Variants in CCSER1 observed in about 807,000 individuals in gnomAD.
The protein encoded by CCSER1 is coiled-coil serine rich protein 1.
In CCSER1, 41 loss-of-function variants were observed where a neutral mutation model predicts 82.0. The observed-to-expected ratio is 0.50, with a 90% CI of 0.39 to 0.65. The LOEUF (loss-of-function observed/expected upper bound fraction) is 0.65. Among genes scored for constraint, CCSER1 ranks in the 30% least tolerant of loss-of-function variants. The probability of loss-of-function intolerance (pLI) is 0.00; values close to 1 mark genes in which losing one functional copy is unlikely to be tolerated. For missense variants in CCSER1, 1,119 were observed against 1,064.2 expected (o/e 1.05, Z -0.72); for synonymous variants, 414 against 383.9 (o/e 1.08, Z -0.92).
Position 91,584,260 on chromosome 4 carries a change from T to C in CCSER1, c.2218-14312T>C, listed in dbSNP as rs138049432. Among the ~76,000 whole-genome samples, 25 of 151,486 alleles carry C rather than the reference T, an allele frequency of 1.7e-4. No homozygotes were observed. In the East Asian group the frequency reaches 4.5e-3, roughly 27 times the overall value. On this transcript the variant is annotated intron_variant, in intron 10 of 10. Coordinates refer to ENST00000509176, the MANE Select transcript of CCSER1 (RefSeq NM_001145065.2). ...CCATGCCCAGTCAGTAGATTCTCAG[T>C]TTTCAGAGAAAAAATAAATTTCAAG...
intron 2 of CCSER1, among the ~76,000 whole-genome samples, chr4:90,310,291 C>G (rs984599189): frequency 5.3e-4 from 80 of 151,964 alleles, no homozygotes; most frequent in African/African-American, 1.8e-3. Flanking sequence ...TGTAATATGG[C>G]TACAGAAAAC....
intron 9 of CCSER1, among the ~76,000 whole-genome samples, chr4:90,950,232 C>T (rs1732745254): frequency 6.6e-6 from 1 of 151,916 alleles, no homozygotes; most frequent in African/African-American, 2.4e-5. Context: ...ATTTTCATGG[C>T]TATATGTTAT....
chr4:90,801,498 A>G (rs1580535888), intron 7 of CCSER1, among the ~76,000 whole-genome samples: 1 of 152,314 alleles, frequency 6.6e-6, no homozygotes, highest in East Asian at 1.9e-4. Flanking sequence ...TTCATTGTCA[A>G]AAAGATTATG....
chr4:90,748,200 C>T (rs180964264), intron 7 of CCSER1, among the ~76,000 whole-genome samples: 5,406 of 105,236 alleles, frequency 0.051, 231 homozygotes, highest in Admixed American at 0.12. Context: ...CCCCACCCCA[C>T]AATAGTCCCC....
At chr4:90,255,905 A>G (rs781217611) in intron 1 of CCSER1, among the ~76,000 whole-genome samples, 1 of 152,134 alleles carries the variant, frequency 6.6e-6, no homozygotes, top group Non-Finnish European at 1.5e-5. Flanking sequence ...CACTTTATAG[A>G]TGAGGATACT....
chr4:90,450,376 T>C (rs1397382805), intron 4 of CCSER1, among the ~76,000 whole-genome samples: 4 of 152,150 alleles, frequency 2.6e-5, no homozygotes, highest in Non-Finnish European at 5.9e-5. Context: ...AATTAAATCT[T>C]GTATAGGTGC....
At chr4:90,553,186 T>A (rs886638402) in intron 5 of CCSER1, among the ~76,000 whole-genome samples, 1 of 152,194 alleles carries the variant, frequency 6.6e-6, no homozygotes, top group Non-Finnish European at 1.5e-5. Flanking sequence ...TTGGCCAGGA[T>A]GGTCTCGATC....
At chr4:91,118,102 T>C (rs866918064) in intron 10 of CCSER1, among the ~76,000 whole-genome samples, 11 of 152,288 alleles carry the variant, frequency 7.2e-5, no homozygotes, top group African/African-American at 9.6e-5. Context: ...TTATCCCTGA[T>C]TCAATATTTT....
rs772577362 is a variant in CCSER1 at position 90,747,636 on chromosome 4, CT to C, written c.2010+23655del. 8.2e-3 allele frequency among the ~76,000 whole-genome samples: 1,208 copies of C among 146,508 alleles called. 24 individuals carry two copies. The highest frequency in any genetic ancestry group is 0.028 in the African/African-American group (1,132 of 39,848). On this transcript the variant is annotated intron_variant, in intron 7 of 10. Transcript: ENST00000509176. ...TTCAATTTGGAGCTTATCTAATTTTCTTTTTTTTTTCTTTTTTTAAATTTTA... is the reference window on the plus strand; with the variant it reads ...TTCAATTTGGAGCTTATCTAATTTTCTTTTTTTTTCTTTTTTTAAATTTTA...
intron 6 of CCSER1, among the ~76,000 whole-genome samples, chr4:90,688,887 G>A (rs1313810514): frequency 2.0e-5 from 3 of 152,004 alleles, no homozygotes; most frequent in Non-Finnish European, 4.4e-5. Flanking sequence ...TTACTCAAAT[G>A]CATATCTGAA....
At chr4:91,089,252 A>G (rs920413280) in intron 10 of CCSER1, among the ~76,000 whole-genome samples, 1 of 152,216 alleles carries the variant, frequency 6.6e-6, no homozygotes, top group Non-Finnish European at 1.5e-5. Context: ...CAGAATGAGA[A>G]GCTTCAGAGT....
chr4:90,484,438 G>C (rs1316285228), intron 5 of CCSER1, among the ~76,000 whole-genome samples: 1 of 152,160 alleles, frequency 6.6e-6, no homozygotes, highest in East Asian at 1.9e-4. Context: ...TTTGGAGGAG[G>C]AGAGGTGCTT....
At chr4:90,530,311 A>G (rs563406799) in intron 5 of CCSER1, among the ~76,000 whole-genome samples, 1 of 152,318 alleles carries the variant, frequency 6.6e-6, no homozygotes, top group South Asian at 2.1e-4. Context: ...ATTGGTGTCA[A>G]TGAAACTGAT....
intron 8 of CCSER1, among the ~76,000 whole-genome samples, chr4:90,884,022 G>A (rs1480667143): frequency 1.3e-5 from 2 of 152,068 alleles, no homozygotes; most frequent in Non-Finnish European, 2.9e-5. Context: ...TCATAAATTA[G>A]GAAGAAGAGT....
At chr4:90,432,157 T>G (rs1758357538) in intron 4 of CCSER1, among the ~76,000 whole-genome samples, 1 of 152,174 alleles carries the variant, frequency 6.6e-6, no homozygotes, top group Non-Finnish European at 1.5e-5. Flanking sequence ...AGAGTCATTA[T>G]GCAAAGTCTT....
rs1291445819 is a variant in CCSER1 at position 91,354,306 on chromosome 4, T to C, written c.2218-244266T>C. 2.0e-5 allele frequency among the ~76,000 whole-genome samples: 3 copies of C among 152,334 alleles called. No individual in the cohort carries two copies. The East Asian group carries it at 5.8e-4, about 29-fold the overall frequency. On this transcript the variant is annotated intron_variant, in intron 10 of 10. Transcript: ENST00000509176. ...TTCATTTTTCGTGGGAAGCATAGAC[T>C]GGGAAGCCCAGAAGTTTACCTGTTT...
intron 5 of CCSER1, among the ~76,000 whole-genome samples, chr4:90,611,992 A>T (rs139853079): frequency 2.6e-5 from 4 of 151,596 alleles, no homozygotes; most frequent in African/African-American, 4.8e-5. Context: ...CTTTCTTAAT[A>T]TATCTCTTTT....
chr4:90,561,633 T>A (rs555971916), intron 5 of CCSER1, among the ~76,000 whole-genome samples: 1 of 152,318 alleles, frequency 6.6e-6, no homozygotes, highest in Non-Finnish European at 1.5e-5. Context: ...ATCCTAGTTG[T>A]ACAGAGATTG....
intron 10 of CCSER1, among the ~76,000 whole-genome samples, chr4:91,578,958 C>CAGAGA (rs769087022): frequency 1.3e-5 from 2 of 151,698 alleles, no homozygotes; most frequent in Non-Finnish European, 2.9e-5. Context: ...TAATACACAT[C>CAGAGA]AGAGAAATCA....
Sources: gnomAD v4.1 joint callset for allele counts (sites outside exome capture counted in the v4.1 genomes callset) on GRCh38, gnomAD v4.1.1 for gene constraint, MANE v1.5 for transcripts, NCBI Gene and HGNC (gene_info 2026-07-23, HGNC 2026-07-21) for gene names.